Variants in CACNB2 observed in about 807,000 individuals in gnomAD.
CACNB2 encodes voltage-dependent L-type calcium channel subunit beta-2.
Under a neutral mutation model 73.3 loss-of-function variants are expected in CACNB2, and 42 were observed. That is an observed-to-expected ratio of 0.57 (90% confidence interval 0.45 to 0.74). The LOEUF is 0.74. Among genes scored for constraint, CACNB2 ranks in the 30% least tolerant of loss-of-function variants. The pLI is 0.00. For synonymous variants in CACNB2, 348 were observed against 310.3 expected (o/e 1.12, Z -1.28); for missense variants, 940 against 853.0 (o/e 1.10, Z -1.27).
chr10:18,178,553 A>C (rs2033718169), intron 2 of CACNB2, among the ~76,000 whole-genome samples: 1 of 151,966 alleles, frequency 6.6e-6, no homozygotes, highest in South Asian at 2.1e-4. Flanking sequence ...TATTTTTTTT[A>C]GCTTAGAGAA....
chr10:18,491,594 A>G (rs749851942), intron 3 of CACNB2, among the ~76,000 whole-genome samples: 3 of 152,050 alleles, frequency 2.0e-5, no homozygotes, highest in Non-Finnish European at 4.4e-5. Context: ...TGGGGGAAAA[A>G]CAATCTGGTA....
chr10:18,287,753 G>T (rs2038867842), intron 2 of CACNB2, among the ~76,000 whole-genome samples: 1 of 152,148 alleles, frequency 6.6e-6, no homozygotes, highest in Admixed American at 6.5e-5. Context: ...AAGAGGCTGA[G>T]TTGGGAGGAT....
intron 2 of CACNB2, among the ~76,000 whole-genome samples, chr10:18,326,519 G>A (rs577315646): frequency 3.9e-5 from 6 of 152,208 alleles, no homozygotes; most frequent in Admixed American, 6.5e-5. Flanking sequence ...ATCAGACTTC[G>A]TCAGAACTGC....
chr10:18,511,263 G>C (rs904094367), intron 6 of CACNB2, among the ~76,000 whole-genome samples: 3 of 152,052 alleles, frequency 2.0e-5, no homozygotes, highest in Non-Finnish European at 4.4e-5. Context: ...CCTGCATTAT[G>C]CAAGCAATAG....
chr10:18,351,063 A>G (rs777188357), intron 2 of CACNB2, among the ~76,000 whole-genome samples: 1 of 152,196 alleles, frequency 6.6e-6, no homozygotes, highest in African/African-American at 2.4e-5. Flanking sequence ...TGGAAAAACA[A>G]TAGCATAGAG....
Position 18,344,034 on chromosome 10 carries a change from C to T in CACNB2, c.214-57890C>T, listed in dbSNP as rs1369173188. ...AATTTTGGGTCGATTATTTTTTCTT[C>T]CTCTTTAATTTTATATTGCTCAAGC... is the stretch of plus-strand genomic sequence containing the variant. On this transcript the variant is annotated intron_variant, in intron 2 of 13. Coordinates refer to ENST00000324631, the MANE Select transcript of CACNB2 (RefSeq NM_201596.3). Among the ~76,000 whole-genome samples, 6 of 149,980 alleles carry T rather than the reference C, an allele frequency of 4.0e-5. No homozygotes were observed. The South Asian group carries it at 1.3e-3, about 31-fold the overall frequency.
At chr10:18,508,345 C>A (rs1464720268) in intron 6 of CACNB2, among the ~76,000 whole-genome samples, 1 of 152,058 alleles carries the variant, frequency 6.6e-6, no homozygotes, top group Non-Finnish European at 1.5e-5. Context: ...AAACTTATAC[C>A]TTCCCTTGAT....
At chr10:18,341,654 G>C (rs1021106133) in intron 2 of CACNB2, among the ~76,000 whole-genome samples, 2 of 152,014 alleles carry the variant, frequency 1.3e-5, no homozygotes, top group Non-Finnish European at 2.9e-5. Flanking sequence ...AAGTCATAAA[G>C]TTACAAATAT....
At chr10:18,149,394 A>G (rs1160178762) in intron 1 of CACNB2, among the ~76,000 whole-genome samples, 1 of 152,248 alleles carries the variant, frequency 6.6e-6, no homozygotes, top group Non-Finnish European at 1.5e-5. Flanking sequence ...ATTATGAAAG[A>G]CCAGCGTAGC....
intron 2 of CACNB2, among the ~76,000 whole-genome samples, chr10:18,337,630 T>C (rs2041060176): frequency 6.6e-6 from 1 of 152,176 alleles, no homozygotes; most frequent in Non-Finnish European, 1.5e-5. Context: ...TTTGAAAACA[T>C]ATTACTGATA....
intron 2 of CACNB2, among the ~76,000 whole-genome samples, chr10:18,282,199 G>C (rs1588929496): frequency 6.6e-6 from 1 of 152,032 alleles, no homozygotes; most frequent in Non-Finnish European, 1.5e-5. Context: ...TGGGCTGGCT[G>C]GTGAAAAGAA....
chr10:18,190,927 G>A (rs1479797517), intron 2 of CACNB2, among the ~76,000 whole-genome samples: 1 of 152,230 alleles, frequency 6.6e-6, no homozygotes. Flanking sequence ...CTAGAAAAGG[G>A]TTTTAAGCAG....
chr10:18,289,897 AG>A (rs2038987582), intron 2 of CACNB2, among the ~76,000 whole-genome samples: 1 of 152,062 alleles, frequency 6.6e-6, no homozygotes, highest in South Asian at 2.1e-4. Flanking sequence ...TAGACACATA[AG>A]GGCAACATAT....
intron 3 of CACNB2, among the ~76,000 whole-genome samples, chr10:18,447,073 A>AT (rs2046772639): frequency 6.6e-6 from 1 of 151,662 alleles, no homozygotes; most frequent in African/African-American, 2.4e-5. Context: ...AAAAAAAAAT[A>AT]AATAAATAAA....
At chr10:18,143,631 A>C (rs2030663032) in intron 1 of CACNB2, among the ~76,000 whole-genome samples, 1 of 152,216 alleles carries the variant, frequency 6.6e-6, no homozygotes. Context: ...CTGATAAATC[A>C]TGGCATCATA....
At chr10:18,228,291 G>A (rs1234813135) in intron 2 of CACNB2, among the ~76,000 whole-genome samples, 2 of 151,898 alleles carry the variant, frequency 1.3e-5, no homozygotes, top group Non-Finnish European at 2.9e-5. Flanking sequence ...TTAGCCGGAT[G>A]TGGTGGCACA....
At chr10:18,467,051 G>A (rs566261081) in intron 3 of CACNB2, among the ~76,000 whole-genome samples, 3 of 152,276 alleles carry the variant, frequency 2.0e-5, no homozygotes, top group African/African-American at 7.2e-5. Context: ...CTGCTAGGGA[G>A]GCTGAGGCAG....
intron 1 of CACNB2, among the ~76,000 whole-genome samples, chr10:18,148,549 G>A (rs1231727291): frequency 6.6e-6 from 1 of 152,184 alleles, no homozygotes. Context: ...CTTCAACATT[G>A]TGTGGCTCTC....
intron 3 of CACNB2, among the ~76,000 whole-genome samples, chr10:18,463,451 G>C (rs766333663): frequency 6.6e-6 from 1 of 152,070 alleles, no homozygotes; most frequent in Admixed American, 6.6e-5. Flanking sequence ...TTGTCACCCA[G>C]GCTGGATTGC....
Sources: allele counts gnomAD v4.1 joint callset (sites outside exome capture counted in the v4.1 genomes callset), GRCh38; gene constraint gnomAD v4.1.1; transcripts MANE v1.5; gene names NCBI Gene and HGNC (gene_info 2026-07-23, HGNC 2026-07-21).